Variants in ADAMTS6 observed in about 807,000 individuals in gnomAD.
The protein encoded by ADAMTS6 is A disintegrin and metalloproteinase with thrombospondin motifs 6.
Under a neutral mutation model 144.3 loss-of-function variants are expected in ADAMTS6, and 23 were observed. The ratio of observed to expected loss-of-function variants is 0.16; its 90% confidence interval spans 0.11 to 0.23. The LOEUF is 0.23. Among genes scored for constraint, ADAMTS6 ranks in the 10% least tolerant of loss-of-function variants. The pLI, the probability that ADAMTS6 is intolerant of heterozygous loss-of-function variation, is 1.00. For synonymous variants in ADAMTS6, 444 were observed against 457.5 expected, an observed-to-expected ratio of 0.97 and a Z score of 0.38; for missense variants, 999 against 1,379.6, an observed-to-expected ratio of 0.72 and a Z score of 4.37.
At chr5:65,156,705 CTT>C (rs937592644) in intron 24 of ADAMTS6, among the ~76,000 whole-genome samples, 4 of 152,172 alleles carry the variant, frequency 2.6e-5, no homozygotes, top group African/African-American at 9.7e-5. Context: ...TGCAAACACA[CTT>C]ATATCTATCT....
At chr5:65,352,089 C>T (rs1038780398) in intron 7 of ADAMTS6, among the ~76,000 whole-genome samples, 3 of 151,484 alleles carry the variant, frequency 2.0e-5, no homozygotes, top group East Asian at 3.8e-4. Flanking sequence ...TCCATCTGAA[C>T]AACGCTGTTC....
intron 7 of ADAMTS6, among the ~76,000 whole-genome samples, chr5:65,364,444 T>C (rs1318895979): frequency 6.6e-6 from 1 of 151,948 alleles, no homozygotes; most frequent in Non-Finnish European, 1.5e-5. Flanking sequence ...ACATAAAGAA[T>C]ACAATATGAG....
At chr5:65,308,870 T>C (rs936823370) in intron 9 of ADAMTS6, among the ~76,000 whole-genome samples, 1 of 152,180 alleles carries the variant, frequency 6.6e-6, no homozygotes, top group East Asian at 1.9e-4. Flanking sequence ...GCCAAAATCA[T>C]TTTGAAGAAG....
At chr5:65,436,948 C>T (rs1414618824) in intron 7 of ADAMTS6, among the ~76,000 whole-genome samples, 1 of 152,082 alleles carries the variant, frequency 6.6e-6, no homozygotes, top group Admixed American at 6.6e-5. Context: ...TACAGACATG[C>T]CTGAGACTGG....
At chr5:65,371,646 T>G (rs1457689638) in intron 7 of ADAMTS6, among the ~76,000 whole-genome samples, 1 of 152,146 alleles carries the variant, frequency 6.6e-6, no homozygotes, top group Non-Finnish European at 1.5e-5. Flanking sequence ...TACGTCTGAT[T>G]GGTGTACCTG....
intron 7 of ADAMTS6, among the ~76,000 whole-genome samples, chr5:65,360,054 A>G (rs779660029): frequency 3.3e-5 from 5 of 152,204 alleles, no homozygotes; most frequent in African/African-American, 4.8e-5. Flanking sequence ...CTATAAAGAA[A>G]TACCTGAGAC....
chr5:65,163,218 T>A (rs113609118), intron 24 of ADAMTS6, among the ~76,000 whole-genome samples: 3,928 of 150,608 alleles, frequency 0.026, 171 homozygotes, highest in African/African-American at 0.09. Context: ...GCTAAGAGAT[T>A]TTTTTTTTTA....
intron 15 of ADAMTS6, among the ~76,000 whole-genome samples, chr5:65,241,067 T>G (rs1043601133): frequency 1.3e-5 from 2 of 152,036 alleles, no homozygotes; most frequent in African/African-American, 2.4e-5. Flanking sequence ...GATGGATTAA[T>G]AAATGGATAG....
At position 65,470,971 on chromosome 5, in the gene ADAMTS6, G is replaced by A. The variant is rs61736454; in HGVS notation, c.269C>T (p.Ser90Leu). ...QAVSKLFFKL[S>L]AYGKHFHLNL... ...TAGATGAAAGTGCTTGCCATAGGCT[G>A]AAAGTTTAAAAAATAACTTAGATAC... The change falls in exon 3 of 25, where the codon TCA (serine) becomes TTA (leucine). Residue 90 changes from serine (S) to leucine (L), a missense_variant. This residue lies in a region of ADAMTS6 where 252 missense variants were observed against 293.7 expected (regional missense o/e 0.86). Coordinates refer to ENST00000381055, the MANE Select transcript of ADAMTS6 (RefSeq NM_197941.4). 3,257 of 1,612,710 alleles carry A rather than the reference G, an allele frequency of 2.0e-3. 9 individuals carry two copies. The highest frequency in any genetic ancestry group is 2.3e-3 in the Non-Finnish European group (2,733 of 1,179,472).
At chr5:65,417,398 T>C (rs1580659570) in intron 7 of ADAMTS6, among the ~76,000 whole-genome samples, 1 of 151,880 alleles carries the variant, frequency 6.6e-6, no homozygotes, top group Non-Finnish European at 1.5e-5. Flanking sequence ...GCAAGAAAAA[T>C]AAATAAAAGG....
chr5:65,390,006 A>AT (rs1216411620), intron 7 of ADAMTS6, among the ~76,000 whole-genome samples: 2 of 152,210 alleles, frequency 1.3e-5, no homozygotes, highest in East Asian at 3.8e-4. Context: ...TCTTAGAAGT[A>AT]TAAGTAATTA....
chr5:65,298,337 A>T (rs1253026572), intron 10 of ADAMTS6, among the ~76,000 whole-genome samples: 1 of 152,180 alleles, frequency 6.6e-6, no homozygotes. Context: ...CAAAAAAGAT[A>T]AGAGCAACCA....
At chr5:65,467,039 CAAAA>C (rs35854972) in intron 3 of ADAMTS6, among the ~76,000 whole-genome samples, 1 of 109,218 alleles carries the variant, frequency 9.2e-6, no homozygotes, top group Non-Finnish European at 2.0e-5. Flanking sequence ...GACTCCGTCT[CAAAA>C]AAAAAAAAAG....
chr5:65,374,627 A>C (rs1398572114), intron 7 of ADAMTS6, among the ~76,000 whole-genome samples: 1 of 152,222 alleles, frequency 6.6e-6, no homozygotes, highest in Non-Finnish European at 1.5e-5. Flanking sequence ...AACAAATGGA[A>C]GAACATTGCA....
chr5:65,265,570 A>C (rs919230013), intron 12 of ADAMTS6, among the ~76,000 whole-genome samples: 2 of 151,970 alleles, frequency 1.3e-5, no homozygotes, highest in Non-Finnish European at 2.9e-5. Context: ...GCCAGCAATT[A>C]ACTGCTTTTT....
At chr5:65,474,228 A>G (rs1006346088) in intron 1 of ADAMTS6, among the ~76,000 whole-genome samples, 4 of 152,158 alleles carry the variant, frequency 2.6e-5, no homozygotes, top group African/African-American at 9.6e-5. Flanking sequence ...GAAGATAACA[A>G]TGATGGGCAA....
intron 14 of ADAMTS6, among the ~76,000 whole-genome samples, chr5:65,258,417 G>T (rs1426004060): frequency 6.6e-6 from 1 of 152,206 alleles, no homozygotes; most frequent in African/African-American, 2.4e-5. Flanking sequence ...TGAGTTCAGA[G>T]AAGTAATGAA....
intron 11 of ADAMTS6, among the ~76,000 whole-genome samples, chr5:65,282,763 C>T: frequency 6.6e-6 from 1 of 151,938 alleles, no homozygotes; most frequent in East Asian, 1.9e-4. Flanking sequence ...GCTGTACCTT[C>T]CAAAGAGAGG....
rs139897077 is a variant in ADAMTS6 at position 65,465,805 on chromosome 5, T to C, written c.462+4973A>G. Among the ~76,000 whole-genome samples the C allele has an allele frequency of 2.9e-4, 44 of 152,338 alleles. No individual in the cohort carries two copies. The East Asian group carries it at 7.1e-3, about 25-fold the overall frequency. ...CCTTCAGCTTTATTACTCTGTTCTA[T>C]GTTGTTTCTGCTACATCTCTCTGAC... On this transcript the variant is annotated intron_variant, in intron 3 of 24. Transcript: ENST00000381055.
Sources: gnomAD v4.1 joint callset for allele counts (sites outside exome capture counted in the v4.1 genomes callset) on GRCh38, gnomAD v4.1.1 for gene constraint, gnomAD v4.1.1 regional missense constraint, MANE v1.5 for transcripts, NCBI Gene and HGNC (gene_info 2026-07-23, HGNC 2026-07-21) for gene names.